The following SLC24A3 variants were observed in gnomAD, a reference collection of about 807,000 sequenced individuals.
The protein encoded by SLC24A3 is sodium/potassium/calcium exchanger 3.
Under a neutral mutation model 75.8 loss-of-function variants are expected in SLC24A3, and 28 were observed. The ratio of observed to expected loss-of-function variants is 0.37; its 90% CI spans 0.27 to 0.51. The LOEUF is 0.51. Among genes scored for constraint, SLC24A3 ranks in the 20% least tolerant of loss-of-function variants. SLC24A3 has a pLI of 0.94. For missense variants in SLC24A3, 663 were observed against 847.8 expected (o/e 0.78, Z 2.71); for synonymous variants, 372 against 334.1 (o/e 1.11, Z -1.24).
rs149783406 is a variant in SLC24A3, at chr20:19,385,025, C to T, written c.271+103938C>T. On this transcript the variant is annotated intron_variant, in intron 2 of 16. Transcript: ENST00000328041. ...CTGTGAAATTGTTTGAGTTCCTTATCCATTCTAGATATTAATGCCTTATCA... is the reference window on the plus strand; with the variant it reads ...CTGTGAAATTGTTTGAGTTCCTTATTCATTCTAGATATTAATGCCTTATCA... Among the ~76,000 whole-genome samples, 133 of 152,206 alleles carry T rather than the reference C, an allele frequency of 8.7e-4. 1 individual carries two copies. The highest frequency in any genetic ancestry group is 6.8e-3 in the Middle Eastern group (2 of 294).
rs1335193293 is a variant in SLC24A3, at chr20:19,685,206, C to G, written c.1169C>G (p.Ala390Gly). Residue 390 changes from alanine (A) to glycine (G), a missense_variant, in exon 12 of 17, where the codon GCC (alanine) becomes GGC (glycine). By Grantham distance (60) the Ala-to-Gly change is moderately conservative. Coordinates refer to ENST00000328041, the MANE Select transcript of SLC24A3 (RefSeq NM_020689.4). ...TVENGTGPSSAPDRGVNGTRR... is the reference protein window; with the variant it reads ...TVENGTGPSSGPDRGVNGTRR... ...GAGAATGGGACAGGGCCCAGCAGTG[C>G]CCCAGACAGGGGCGTGAATGGGACA... 4.3e-6 allele frequency: 7 copies of G among 1,614,172 alleles called. No individual in the cohort carries two copies. The highest frequency in any genetic ancestry group is 5.9e-6 in the Non-Finnish European group (7 of 1,180,038).
chr20:19,440,141 C>T (rs968299914), intron 2 of SLC24A3, among the ~76,000 whole-genome samples: 1 of 152,218 alleles, frequency 6.6e-6, no homozygotes, highest in South Asian at 2.1e-4. Context: ...TTTGCATTTT[C>T]TTATCTGGGT....
chr20:19,552,882 A>C (rs966988657), intron 3 of SLC24A3, among the ~76,000 whole-genome samples: 7 of 152,092 alleles, frequency 4.6e-5, no homozygotes, highest in Admixed American at 3.9e-4. Flanking sequence ...GCTTCATCAG[A>C]GGAAAGGGGA....
chr20:19,479,680 G>A (rs752958165), intron 2 of SLC24A3, among the ~76,000 whole-genome samples: 29 of 152,230 alleles, frequency 1.9e-4, no homozygotes, highest in Non-Finnish European at 3.4e-4. Context: ...AGCTCTGGGA[G>A]ACAGTAGGGG....
intron 1 of SLC24A3, among the ~76,000 whole-genome samples, chr20:19,230,506 C>G (rs905102369): frequency 6.6e-6 from 1 of 152,090 alleles, no homozygotes; most frequent in Non-Finnish European, 1.5e-5. Flanking sequence ...TCCATCGCAC[C>G]TCTTTTCTAT....
At chr20:19,269,478 A>G (rs1983261271) in intron 1 of SLC24A3, among the ~76,000 whole-genome samples, 1 of 152,134 alleles carries the variant, frequency 6.6e-6, no homozygotes, top group Admixed American at 6.5e-5. Context: ...TTAACTGACA[A>G]TTTCTGTCTG....
intron 6 of SLC24A3, among the ~76,000 whole-genome samples, chr20:19,625,295 T>A (rs1159031166): frequency 6.6e-6 from 1 of 152,234 alleles, no homozygotes; most frequent in Admixed American, 6.5e-5. Context: ...ATTCCATTAC[T>A]GGAAATAACA....
chr20:19,235,056 C>T (rs1271388794), intron 1 of SLC24A3, among the ~76,000 whole-genome samples: 1 of 152,226 alleles, frequency 6.6e-6, no homozygotes, highest in Non-Finnish European at 1.5e-5. Flanking sequence ...CTATTTTCTA[C>T]CCAAGGATAC....
intron 2 of SLC24A3, among the ~76,000 whole-genome samples, chr20:19,479,490 C>T (rs1021881099): frequency 2.0e-5 from 3 of 152,202 alleles, no homozygotes; most frequent in Non-Finnish European, 2.9e-5. Flanking sequence ...GGAATGGCTT[C>T]CCCAAGGAGC....
chr20:19,580,593 T>A (rs1435082577), intron 4 of SLC24A3, among the ~76,000 whole-genome samples: 3 of 152,062 alleles, frequency 2.0e-5, no homozygotes, highest in Non-Finnish European at 2.9e-5. Context: ...CAGGAAAGTG[T>A]CCCTGTTAGA....
chr20:19,717,282 A>G (rs1192621355), intron 15 of SLC24A3, among the ~76,000 whole-genome samples: 1 of 152,190 alleles, frequency 6.6e-6, no homozygotes, highest in Non-Finnish European at 1.5e-5. Flanking sequence ...GGGGCCTGCT[A>G]TTGAGGGTAA....
rs181740636 is a variant in SLC24A3, at chr20:19,319,262, A to G, written c.271+38175A>G. Among the ~76,000 whole-genome samples the G allele has an allele frequency of 7.2e-5, 11 of 152,302 alleles. No homozygotes were observed. In the East Asian group the frequency reaches 2.1e-3, roughly 29 times the overall value. On this transcript the variant is annotated intron_variant, in intron 2 of 16. Coordinates refer to ENST00000328041, the MANE Select transcript of SLC24A3 (RefSeq NM_020689.4). ...GGCTGGGCTTAATTTTTGCTCCGTA[A>G]ATATGCATGTGTGTTTATTACTTAA...
chr20:19,543,140 A>G (rs1474912407), intron 3 of SLC24A3, among the ~76,000 whole-genome samples: 1 of 152,202 alleles, frequency 6.6e-6, no homozygotes, highest in Non-Finnish European at 1.5e-5. Context: ...TGTCCCCATT[A>G]TACAGGAGAG....
At chr20:19,471,683 C>A (rs994448772) in intron 2 of SLC24A3, among the ~76,000 whole-genome samples, 1 of 152,096 alleles carries the variant, frequency 6.6e-6, no homozygotes, top group Non-Finnish European at 1.5e-5. Context: ...ATCACTCTGT[C>A]GGGGAAGAGT....
At chr20:19,530,932 A>G (rs1267442973) in intron 3 of SLC24A3, among the ~76,000 whole-genome samples, 6 of 152,194 alleles carry the variant, frequency 3.9e-5, no homozygotes, top group Non-Finnish European at 5.9e-5. Flanking sequence ...GCAGGCAGAA[A>G]AAAGGCCCAC....
At chr20:19,559,921 T>G (rs772847330) in intron 3 of SLC24A3, among the ~76,000 whole-genome samples, 16 of 152,048 alleles carry the variant, frequency 1.1e-4, no homozygotes, top group African/African-American at 3.6e-4. Flanking sequence ...CTAAAATAAA[T>G]AAATAATAAA....
At chr20:19,336,683 G>A (rs1021782411) in intron 2 of SLC24A3, among the ~76,000 whole-genome samples, 11 of 23,794 alleles carry the variant, frequency 4.6e-4, no homozygotes, top group South Asian at 1.9e-3. Flanking sequence ...GTGCCCGCCC[G>A]CCACCCCCCA....
intron 2 of SLC24A3, among the ~76,000 whole-genome samples, chr20:19,333,187 G>A (rs1336462412): frequency 6.6e-6 from 1 of 152,238 alleles, no homozygotes; most frequent in East Asian, 1.9e-4. Context: ...TGTCTGAGGA[G>A]TGAGGGGATG....
At chr20:19,238,762 C>A (rs1278574448) in intron 1 of SLC24A3, among the ~76,000 whole-genome samples, 3 of 151,366 alleles carry the variant, frequency 2.0e-5, no homozygotes, top group Admixed American at 1.3e-4. Context: ...CTGCAGCATG[C>A]AAAGGGGATG....
Sources: gnomAD v4.1 joint callset for allele counts (sites outside exome capture counted in the v4.1 genomes callset) on GRCh38, gnomAD v4.1.1 for gene constraint, MANE v1.5 for transcripts, NCBI Gene and HGNC (gene_info 2026-07-23, HGNC 2026-07-21) for gene names.